Variants in PSD4 observed in about 807,000 individuals in gnomAD.
The protein encoded by PSD4 is PH and SEC7 domain-containing protein 4.
Under a neutral mutation model 112.5 loss-of-function variants are expected in PSD4, and 59 were observed. The observed-to-expected ratio is 0.52, with a 90% CI of 0.43 to 0.65. PSD4 has a LOEUF of 0.65. Among genes scored for constraint, PSD4 ranks in the 30% least tolerant of loss-of-function variants. PSD4 has a pLI of 0.00. For synonymous variants in PSD4, 533 were observed against 540.0 expected (o/e 0.99, Z 0.18); for missense variants, 1,267 against 1,352.6 (o/e 0.94, Z 0.99).
chr2:113,182,023 G>A (rs1299020525), intron 1 of PSD4, among the ~76,000 whole-genome samples: 1 of 152,266 alleles, frequency 6.6e-6, no homozygotes, highest in African/African-American at 2.4e-5. Flanking sequence ...CAACCACCTC[G>A]GTCTCCACAC....
chr2:113,175,705 A>G (rs1003736353), intron 1 of PSD4, among the ~76,000 whole-genome samples: 1 of 152,216 alleles, frequency 6.6e-6, no homozygotes, highest in South Asian at 2.1e-4. Context: ...AGGGAAACAG[A>G]GACAGGCACC....
intron 5 of PSD4, among the ~76,000 whole-genome samples, chr2:113,189,510 A>G (rs2104501190): frequency 6.6e-6 from 1 of 152,212 alleles, no homozygotes; most frequent in East Asian, 1.9e-4. Flanking sequence ...ATAATGACTT[A>G]TTTTCCTCTG....
Position 113,182,815 on chromosome 2 carries a change from C to G in PSD4, c.359C>G (p.Ser120Cys). The G allele has an allele frequency of 6.2e-7, 1 of 1,610,064 alleles. No individual in the cohort carries two copies. Among genetic ancestry groups the G allele is most frequent in the Non-Finnish European group, 8.5e-7 (1 of 1,177,450 alleles). The change falls in exon 2 of 17, where the codon TCT (serine) becomes TGT (cysteine). Residue 120 changes from serine (S) to cysteine (C), a missense_variant. Physicochemically the swap from Ser to Cys is moderately radical, Grantham distance 112 (BLOSUM62 -1). Around this residue, in one of 2 missense-constraint regions of PSD4, gnomAD observed 723 missense variants for 704.0 expected, o/e 1.03. Transcript: ENST00000245796. The part of the protein sequence containing the change: ...GVELTHLGSP[S>C]AQREHRQNTA... The stretch of plus-strand genomic sequence containing the variant: ...GAGCTCACACACCTGGGGAGCCCCT[C>G]TGCCCAGAGGGAGCACAGGCAGAAC...
intron 5 of PSD4, among the ~76,000 whole-genome samples, chr2:113,189,239 T>A (rs1688387344): frequency 6.6e-6 from 1 of 151,884 alleles, no homozygotes; most frequent in Non-Finnish European, 1.5e-5. Flanking sequence ...TGCCATTAAT[T>A]CATTCCTTTT....
intron 5 of PSD4, among the ~76,000 whole-genome samples, chr2:113,188,011 C>T (rs894897392): frequency 6.6e-6 from 1 of 151,846 alleles, no homozygotes; most frequent in African/African-American, 2.4e-5. Flanking sequence ...ACTGACAAAT[C>T]GGGAACCAAA....
At chr2:113,184,044 C>G (rs1053650584) in intron 2 of PSD4, among the ~76,000 whole-genome samples, 10 of 152,350 alleles carry the variant, frequency 6.6e-5, no homozygotes, top group Admixed American at 2.0e-4. Flanking sequence ...ATAGATCAGG[C>G]CCATATGACA....
Position 113,185,874 on chromosome 2 carries a change from C to T in PSD4, c.1250-3C>T, listed in dbSNP as rs771466977. ...GCCCGCCTCACTTCATGTTCTTCCT[C>T]AGATGAGAGGGAGGGTGGACACCCC... On this transcript the variant is annotated splice_polypyrimidine_tract_variant and splice_region_variant and intron_variant, in intron 4 of 16. Transcript: ENST00000245796. 7 of 1,608,408 alleles carry T rather than the reference C, an allele frequency of 4.4e-6. No individual in the cohort carries two copies. The highest frequency in any genetic ancestry group is 5.1e-6 in the Non-Finnish European group (6 of 1,177,476).
intron 13 of PSD4, 33 bp downstream of exon 13, chr2:113,197,667 G>A (rs1688649625): frequency 6.2e-7 from 1 of 1,614,042 alleles, no homozygotes; most frequent in African/African-American, 1.3e-5. Flanking sequence ...TGTCAGAATG[G>A]GAGACTGAGA....
Position 113,184,904 on chromosome 2 carries a change from C to G in PSD4, c.1057-53C>G, listed in dbSNP as rs1247159851. ...GAGAAAGGCCCTGGGAGCAATTTTCCTCTAGTCACCTCTCCTCTCCTTCTC... is the reference window on the plus strand; with the variant it reads ...GAGAAAGGCCCTGGGAGCAATTTTCGTCTAGTCACCTCTCCTCTCCTTCTC... On this transcript the variant is annotated intron_variant, in intron 2 of 16. Coordinates refer to ENST00000245796, the MANE Select transcript of PSD4 (RefSeq NM_012455.3). 4 of 1,606,646 alleles carry G rather than the reference C, an allele frequency of 2.5e-6. No individual in the cohort carries two copies. In the Admixed American group the frequency reaches 6.7e-5, roughly 27 times the overall value.
At position 113,199,110 on chromosome 2, in the gene PSD4, T is replaced by C; in HGVS notation, c.2797T>C (p.Cys933Arg). 1 of 1,531,684 alleles carries C rather than the reference T, an allele frequency of 6.5e-7. No homozygotes were observed. The highest frequency in any genetic ancestry group is 8.8e-7 in the Non-Finnish European group (1 of 1,141,184). 94.9% of individuals were successfully genotyped at this position (1,531,684 alleles called of 1,614,324 possible). A position where few individuals can be genotyped will look rare whatever the true frequency, so the allele number is the denominator to read the frequency against. Reference sequence around the variant, plus strand: ...GGAGCAGCATCGATCCCACGAGAACTGCCTGGACGCTGCCGCGGACGACCT... The same window carrying C: ...GGAGCAGCATCGATCCCACGAGAACCGCCTGGACGCTGCCGCGGACGACCT... The part of the protein sequence containing the change: ...LEEQHRSHEN[C>R]LDAAADDLLD... Residue 933 changes from cysteine (C) to arginine (R), a missense_variant, in exon 16 of 17, where the codon TGC becomes CGC. Cys to Arg is a radical substitution (Grantham distance 180). Transcript: ENST00000245796.
chr2:113,196,398 A>C, intron 12 of PSD4, 91 bp downstream of exon 12: 2 of 411,384 alleles, frequency 4.9e-6, no homozygotes, highest in South Asian at 5.5e-5. Context: ...GTGCAGAGAG[A>C]CAGCCCGCGT....
Position 113,193,306 on chromosome 2 carries a change from G to A in PSD4, c.1968G>A (p.Glu656=). Reference sequence around the variant, plus strand: ...TCAGTGGGGAGACTCAGGAACGGGAGCGAATCCTCTACCAGTTCTCCAGAC... The same window carrying A: ...TCAGTGGGGAGACTCAGGAACGGGAACGAATCCTCTACCAGTTCTCCAGAC... The part of the protein sequence containing the change: ...LVLSGETQER[E]RILYQFSRRF... The change falls in exon 8 of 17, where the codon GAG becomes GAA. Residue 656 remains glutamate, a synonymous_variant. Transcript: ENST00000245796. 1.3e-6 allele frequency: 2 copies of A among 1,598,146 alleles called. No individual in the cohort carries two copies. The highest frequency in any genetic ancestry group is 1.1e-5 in the South Asian group (1 of 88,860).
In PSD4 at chr2:113,199,207, A is replaced by T. The variant is rs1688706065; in HGVS notation, c.2894A>T (p.Lys965Met). Residue 965 changes from lysine (K) to methionine (M), a missense_variant, in exon 16 of 17, where the codon AAG (lysine) becomes ATG (methionine). Lys to Met is a moderately conservative substitution (Grantham distance 95, BLOSUM62 -1). This residue lies in a region of PSD4 where 544 missense variants were observed against 648.6 expected (regional missense o/e 0.84). Coordinates refer to ENST00000245796, the MANE Select transcript of PSD4 (RefSeq NM_012455.3). ...GRELEEHRLRKEYLEYEKTRY... is the reference protein window; with the variant it reads ...GRELEEHRLRMEYLEYEKTRY... The stretch of plus-strand genomic sequence containing the variant: ...GAGCTGGAGGAGCACCGCCTGCGGA[A>T]GGAGTACCTGGAGTACGAGGTGAGC... The T allele has an allele frequency of 4.0e-6, 6 of 1,515,910 alleles. No individual in the cohort carries two copies. The highest frequency in any genetic ancestry group is 4.4e-6 in the Non-Finnish European group (5 of 1,135,708). 93.9% of individuals were successfully genotyped at this position (1,515,910 alleles called of 1,614,324 possible).
chr2:113,183,517 GC>G lies in PSD4; in HGVS notation c.1056+8del. 6.4e-7 allele frequency: 1 copy of G among 1,555,864 alleles called. No homozygotes were observed. The highest frequency in any genetic ancestry group is 8.7e-7 in the Non-Finnish European group (1 of 1,155,096). ...CCTGGTCACGGGGAGAGTGAGGTAA[GC>G]CCAGTCTTGGGAACCAACCGGGGCT... On this transcript the variant is annotated splice_donor_region_variant and intron_variant, in intron 2 of 16. Transcript: ENST00000245796.
At chr2:113,177,306 G>A (rs947436004) in intron 1 of PSD4, among the ~76,000 whole-genome samples, 14 of 152,322 alleles carry the variant, frequency 9.2e-5, no homozygotes, top group African/African-American at 2.9e-4. Flanking sequence ...TTCTGGCCTG[G>A]TTGTTGTGGA....
chr2:113,177,985 A>G (rs912131957), intron 1 of PSD4, among the ~76,000 whole-genome samples: 1 of 152,166 alleles, frequency 6.6e-6, no homozygotes, highest in African/African-American at 2.4e-5. Flanking sequence ...TGGGAGGCCA[A>G]GGTAGGTGGA....
chr2:113,194,905 A>G (rs1384033266), intron 10 of PSD4, among the ~76,000 whole-genome samples: 1 of 152,212 alleles, frequency 6.6e-6, no homozygotes, highest in Non-Finnish European at 1.5e-5. Flanking sequence ...CTGAACACCT[A>G]CTATGTGCCA....
intron 1 of PSD4, among the ~76,000 whole-genome samples, chr2:113,175,944 TC>T (rs1489396628): frequency 1.3e-5 from 2 of 152,192 alleles, no homozygotes; most frequent in East Asian, 3.8e-4. Flanking sequence ...CTTTATTGGG[TC>T]TTGGTTCCTT....
chr2:113,198,279 GTTTATT>G (rs1688668524), intron 14 of PSD4: 1 of 249,202 alleles, frequency 4.0e-6, no homozygotes, highest in East Asian at 7.9e-5. Flanking sequence ...ATTTTTTATT[GTTTATT>G]TTTGAGACAG....
Sources: allele counts gnomAD v4.1 joint callset (sites outside exome capture counted in the v4.1 genomes callset), GRCh38; gene constraint gnomAD v4.1.1; regional missense constraint gnomAD v4.1.1; transcripts MANE v1.5; gene names NCBI Gene and HGNC (gene_info 2026-07-23, HGNC 2026-07-21).